Variants in LIMA1 observed in about 807,000 individuals in gnomAD.
The protein encoded by LIMA1 is LIM domain and actin-binding protein 1.
In LIMA1, 52 loss-of-function variants were observed where a neutral mutation model predicts 62.6. The observed-to-expected ratio is 0.83, with a 90% CI of 0.67 to 1.05. LIMA1 has a LOEUF of 1.05. Among genes scored for constraint, LIMA1 ranks in the 50% least tolerant of loss-of-function variants. The pLI is 0.00. For synonymous variants in LIMA1, 302 were observed against 317.8 expected (o/e 0.95, Z 0.53); for missense variants, 780 against 902.2 (o/e 0.86, Z 1.74).
At chr12:50,246,208 G>C (rs1941846593) in intron 2 of LIMA1, among the ~76,000 whole-genome samples, 1 of 149,864 alleles carries the variant, frequency 6.7e-6, no homozygotes, top group Non-Finnish European at 1.5e-5. Context: ...CTCCAGTCTG[G>C]GTGACAGAGT....
At chr12:50,205,241 CTTT>C (rs11336583) in intron 5 of LIMA1, among the ~76,000 whole-genome samples, 2 of 139,570 alleles carry the variant, frequency 1.4e-5, no homozygotes, top group Non-Finnish European at 1.5e-5. Context: ...CCACGCTGGG[CTTT>C]TTTTTTTTTT....
intron 1 of LIMA1, among the ~76,000 whole-genome samples, chr12:50,277,967 A>T (rs183797673): frequency 8.7e-4 from 133 of 152,326 alleles, no homozygotes; most frequent in Middle Eastern, 3.4e-3. Context: ...TGCCTATCAA[A>T]TTAGTAAAGA....
At chr12:50,249,104 AG>A (rs897445777) in intron 1 of LIMA1, among the ~76,000 whole-genome samples, 5 of 152,196 alleles carry the variant, frequency 3.3e-5, no homozygotes, top group African/African-American at 4.8e-5. Flanking sequence ...ATTACATCCC[AG>A]GGGAGGTACA....
rs754174575 is a variant in LIMA1 at position 50,222,411 on chromosome 12, C to T, written c.240G>A (p.Gly80=). The T allele has an allele frequency of 4.2e-5, 67 of 1,614,040 alleles. No individual in the cohort carries two copies. Among genetic ancestry groups the T allele is most frequent in the Non-Finnish European group, 5.5e-5 (65 of 1,180,036 alleles). ...AGTCTGTGTGAGACTCTGCTCCCAGCCCTGGGTTCTCCCACTTCTTCTTTA... is the reference window on the plus strand; with the variant it reads ...AGTCTGTGTGAGACTCTGCTCCCAGTCCTGGGTTCTCCCACTTCTTCTTTA... ...TVLKKKWENP[G]LGAESHTDSL... The change falls in exon 4 of 11, where the codon GGG becomes GGA. Residue 80 remains glycine (G), a synonymous_variant. Coordinates refer to ENST00000341247, the MANE Select transcript of LIMA1 (RefSeq NM_016357.5).
chr12:50,178,013 T>C lies in LIMA1; in HGVS notation c.1331A>G (p.Gln444Arg). ...ATAGTTGCCCTTAGATTTAAAGAGT[T>C]GATTGAAGTGAGGCTTACAATAGAT... ...GRIYCKPHFN[Q>R]LFKSKGNYDE... The change falls in exon 11 of 11, where the codon CAA becomes CGA. Residue 444 changes from glutamine (Q) to arginine (R), a missense_variant. Physicochemically the swap from Gln to Arg is conservative, Grantham distance 43. Coordinates refer to ENST00000341247, the MANE Select transcript of LIMA1 (RefSeq NM_016357.5). 1 of 1,587,276 alleles carries C rather than the reference T, an allele frequency of 6.3e-7. No homozygotes were observed. Among genetic ancestry groups the C allele is most frequent in the Non-Finnish European group, 8.5e-7 (1 of 1,170,196 alleles).
At chr12:50,222,650 C>T (rs1941467903) in intron 3 of LIMA1, 165 bp from the exon 4 acceptor site, 2 of 1,528,654 alleles carry the variant, frequency 1.3e-6, no homozygotes, top group Non-Finnish European at 8.8e-7. Flanking sequence ...AAGCATCCAC[C>T]CGGCAGAGGG....
intron 9 of LIMA1, among the ~76,000 whole-genome samples, chr12:50,183,724 T>C (rs970853721): frequency 1.4e-5 from 2 of 145,810 alleles, no homozygotes; most frequent in Non-Finnish European, 3.0e-5. Context: ...GGCAGGAGAA[T>C]CGCTTGAACC....
In LIMA1 at chr12:50,177,438, C is replaced by T. The variant is rs1038122775; in HGVS notation, c.1906G>A (p.Val636Met). The stretch of plus-strand genomic sequence containing the variant: ...TTCTTAGAAGCCTTGGCATTTTCCA[C>T]TTGTTTCCTTTCTGCAACTCTTCCA... Reference protein sequence around the residue: ...VGGRVAERKQVENAKASKKNG... With the variant: ...VGGRVAERKQMENAKASKKNG... The change falls in exon 11 of 11, where the codon GTG becomes ATG. Residue 636 changes from valine to methionine, a missense_variant. By Grantham distance (21) the Val-to-Met change is conservative (BLOSUM62 1). Transcript: ENST00000341247. 54 of 1,613,984 alleles carry T rather than the reference C, an allele frequency of 3.3e-5. No homozygotes were observed. The highest frequency in any genetic ancestry group is 4.4e-5 in the Non-Finnish European group (52 of 1,180,028).
At chr12:50,230,318 G>A (rs1332818695) in intron 3 of LIMA1, among the ~76,000 whole-genome samples, 1 of 152,184 alleles carries the variant, frequency 6.6e-6, no homozygotes, top group Non-Finnish European at 1.5e-5. Context: ...TTATAGGCGT[G>A]AGCCACCGCG....
At chr12:50,196,368 T>C (rs1285739937) in intron 7 of LIMA1, among the ~76,000 whole-genome samples, 2 of 152,204 alleles carry the variant, frequency 1.3e-5, no homozygotes, top group Non-Finnish European at 2.9e-5. Context: ...CTTGCCTATA[T>C]AGAAGACCTT....
chr12:50,254,323 A>C (rs890354277), intron 1 of LIMA1, among the ~76,000 whole-genome samples: 1 of 152,234 alleles, frequency 6.6e-6, no homozygotes, highest in Non-Finnish European at 1.5e-5. Context: ...TTTGCTGAGA[A>C]GGAAGATGCC....
At chr12:50,230,198 C>A (rs1046524709) in intron 3 of LIMA1, among the ~76,000 whole-genome samples, 4 of 152,152 alleles carry the variant, frequency 2.6e-5, no homozygotes, top group African/African-American at 7.2e-5. Flanking sequence ...ACACACTCAG[C>A]TAATTTTTGT....
Position 50,204,710 on chromosome 12 carries a change from T to C in LIMA1, c.716-10A>G, listed in dbSNP as rs752408689. The C allele has an allele frequency of 4.3e-6, 7 of 1,613,628 alleles. No individual in the cohort carries two copies. In the African/African-American group the frequency reaches 9.4e-5, roughly 22 times the overall value. On this transcript the variant is annotated splice_polypyrimidine_tract_variant and intron_variant, in intron 5 of 10. Coordinates refer to ENST00000341247, the MANE Select transcript of LIMA1 (RefSeq NM_016357.5). ...GAAGATGACAACTGACCTGGAAGCA[T>C]CCAAATAACATGTTTTATTTTATTT...
intron 8 of LIMA1, among the ~76,000 whole-genome samples, chr12:50,193,007 C>T (rs928989503): frequency 1.5e-4 from 21 of 142,622 alleles, no homozygotes; most frequent in African/African-American, 5.1e-4. Flanking sequence ...TGTGTGTGCG[C>T]GCGTGCGCGC....
intron 9 of LIMA1, chr12:50,185,915 T>C (rs1037969835): frequency 6.4e-6 from 1 of 157,270 alleles, no homozygotes; most frequent in African/African-American, 2.4e-5. Context: ...ATCAACCCTT[T>C]TCAATATTAT....
At chr12:50,203,795 AG>A (rs1941101621) in intron 6 of LIMA1, among the ~76,000 whole-genome samples, 1 of 152,168 alleles carries the variant, frequency 6.6e-6, no homozygotes, top group Non-Finnish European at 1.5e-5. Context: ...CTACTTCTTT[AG>A]GAAAACAGTA....
chr12:50,221,569 A>G (rs1364850198), intron 4 of LIMA1, among the ~76,000 whole-genome samples: 1 of 152,154 alleles, frequency 6.6e-6, no homozygotes, highest in Non-Finnish European at 1.5e-5. Flanking sequence ...GGAAGTTGAG[A>G]AGAAGAGAAG....
intron 2 of LIMA1, among the ~76,000 whole-genome samples, chr12:50,232,895 G>A (rs1304396422): frequency 2.6e-5 from 4 of 152,212 alleles, no homozygotes; most frequent in Admixed American, 6.5e-5. Flanking sequence ...GCTGAGGGAC[G>A]AGAATCGCCT....
chr12:50,225,278 C>T (rs1356203416), intron 3 of LIMA1, among the ~76,000 whole-genome samples: 2 of 151,982 alleles, frequency 1.3e-5, no homozygotes, highest in African/African-American at 4.8e-5. Context: ...AAAGTAATAA[C>T]TTATTGGGGG....
Sources: gnomAD v4.1 joint callset for allele counts (sites outside exome capture counted in the v4.1 genomes callset) on GRCh38, gnomAD v4.1.1 for gene constraint, MANE v1.5 for transcripts, NCBI Gene and HGNC (gene_info 2026-07-23, HGNC 2026-07-21) for gene names.